The following PHACTR3 variants were observed in gnomAD, a reference collection of about 807,000 sequenced individuals.
PHACTR3 encodes the protein phosphatase and actin regulator 3, also known as protein phosphatase 1, regulatory subunit 123.
Under a neutral mutation model 66.8 loss-of-function variants are expected in PHACTR3, and 16 were observed. The ratio of observed to expected loss-of-function variants is 0.24; its 90% CI spans 0.16 to 0.36. The LOEUF is 0.36. Among genes scored for constraint, PHACTR3 ranks in the 10% least tolerant of loss-of-function variants. The pLI, the probability that PHACTR3 is intolerant of heterozygous loss-of-function variation, is 1.00. For synonymous variants in PHACTR3, 323 were observed against 292.1 expected (o/e 1.11, Z -1.08); for missense variants, 647 against 719.9 (o/e 0.90, Z 1.16).
intron 1 of PHACTR3, among the ~76,000 whole-genome samples, chr20:59,645,221 CT>C (rs11470114): frequency 0.29 from 34,988 of 120,454 alleles, 4,729 homozygotes; most frequent in African/African-American, 0.41. Context: ...GTTAGCAGAT[CT>C]TTTTTTTTTT....
At chr20:59,653,658 C>T (rs1025096507) in intron 1 of PHACTR3, among the ~76,000 whole-genome samples, 1 of 152,000 alleles carries the variant, frequency 6.6e-6, no homozygotes, top group Admixed American at 6.6e-5. Context: ...ATAGGACTAA[C>T]TTGGAGAAAG....
intron 3 of PHACTR3, among the ~76,000 whole-genome samples, chr20:59,752,758 G>A (rs1462530803): frequency 6.6e-6 from 1 of 152,200 alleles, no homozygotes; most frequent in Non-Finnish European, 1.5e-5. Flanking sequence ...TGACAGTCAT[G>A]GCAGCAAAAG....
intron 1 of PHACTR3, among the ~76,000 whole-genome samples, chr20:59,656,399 A>G (rs2035621205): frequency 6.7e-6 from 1 of 150,040 alleles, no homozygotes; most frequent in Admixed American, 6.7e-5. Flanking sequence ...TTTCACCATC[A>G]TCTCTCTATA....
At chr20:59,799,033 T>C (rs928576853) in intron 7 of PHACTR3, among the ~76,000 whole-genome samples, 31 of 152,198 alleles carry the variant, frequency 2.0e-4, no homozygotes, top group African/African-American at 6.8e-4. Context: ...TGATTTCTTA[T>C]TGGAGCCATG....
At chr20:59,730,883 T>C (rs2038737816) in intron 1 of PHACTR3, among the ~76,000 whole-genome samples, 1 of 152,104 alleles carries the variant, frequency 6.6e-6, no homozygotes, top group South Asian at 2.1e-4. Flanking sequence ...CCGCAAAGCC[T>C]CAGAGTTTTA....
At chr20:59,780,258 T>C (rs2040679901) in intron 7 of PHACTR3, among the ~76,000 whole-genome samples, 1 of 152,208 alleles carries the variant, frequency 6.6e-6, no homozygotes, top group Admixed American at 6.5e-5. Flanking sequence ...GTGTCTCACC[T>C]GGGCCCATGT....
upstream of PHACTR3, chr20:59,604,490 T>G: frequency 6.8e-6 from 3 of 439,548 alleles, no homozygotes; most frequent in Non-Finnish European, 9.0e-6. Context: ...TCGCGCGGCA[T>G]GATGGGAGAA....
chr20:59,667,255 A>G (rs2036022776), intron 1 of PHACTR3, among the ~76,000 whole-genome samples: 1 of 152,250 alleles, frequency 6.6e-6, no homozygotes, highest in African/African-American at 2.4e-5. Flanking sequence ...AAAAGTAAAA[A>G]ATCAACCAAC....
chr20:59,827,574 C>G (rs1375581759), intron 8 of PHACTR3, among the ~76,000 whole-genome samples: 1 of 152,108 alleles, frequency 6.6e-6, no homozygotes, highest in Non-Finnish European at 1.5e-5. Context: ...CAGGTGAGAC[C>G]ATGGAGGTGC....
intron 1 of PHACTR3, among the ~76,000 whole-genome samples, chr20:59,689,614 T>C (rs539487978): frequency 2.0e-5 from 3 of 152,198 alleles, no homozygotes; most frequent in Non-Finnish European, 4.4e-5. Flanking sequence ...TGAAACAATA[T>C]TGAACCCCCT....
chr20:59,833,853 G>A (rs1312287685), intron 8 of PHACTR3, among the ~76,000 whole-genome samples: 1 of 152,202 alleles, frequency 6.6e-6, no homozygotes, highest in Non-Finnish European at 1.5e-5. Flanking sequence ...GTAGAGAAGG[G>A]GCTGCTGGAA....
rs201726586 is a variant in PHACTR3, at chr20:59,635,232, CTTTCT to C, written c.118+30104_118+30108del. ...TCCTTCCTTCCTTCCTTCTTTCTTT[CTTTCT>C]TTTTTTTTTTTTTTGAGATAGAGTT... On this transcript the variant is annotated intron_variant, in intron 1 of 12. Coordinates refer to ENST00000371015, the MANE Select transcript of PHACTR3 (RefSeq NM_080672.5). Among the ~76,000 whole-genome samples the C allele has an allele frequency of 5.5e-3, 649 of 117,496 alleles. 18 individuals are homozygous for C. Among genetic ancestry groups the C allele is most frequent in the African/African-American group, 0.019 (601 of 31,326 alleles). The allele number at this position is 117,496 out of a possible 152,430, so 77.1% of individuals were successfully genotyped here.
chr20:59,841,282 T>C, intron 10 of PHACTR3, 113 bp from the exon 11 acceptor site: 1 of 1,094,722 alleles, frequency 9.1e-7, no homozygotes, highest in South Asian at 1.7e-5. Context: ...ATTTTCCAGT[T>C]TCAGGTTTTT....
intron 1 of PHACTR3, among the ~76,000 whole-genome samples, chr20:59,723,994 G>T (rs1226125779): frequency 6.6e-6 from 1 of 152,078 alleles, no homozygotes; most frequent in Non-Finnish European, 1.5e-5. Context: ...GTGTGTGAAG[G>T]CTCTGATTTC....
intron 7 of PHACTR3, among the ~76,000 whole-genome samples, chr20:59,794,764 G>T (rs1427663803): frequency 1.3e-5 from 2 of 152,026 alleles, no homozygotes; most frequent in Non-Finnish European, 2.9e-5. Flanking sequence ...AGTAAATCTT[G>T]GTAGGCTGTA....
intron 8 of PHACTR3, among the ~76,000 whole-genome samples, chr20:59,811,336 G>C (rs1370196339): frequency 3.3e-5 from 5 of 152,204 alleles, no homozygotes; most frequent in Non-Finnish European, 5.9e-5. Context: ...GGTGTCTCGG[G>C]CAAAGGACTT....
chr20:59,689,730 C>A (rs1352673084), intron 1 of PHACTR3, among the ~76,000 whole-genome samples: 2 of 152,174 alleles, frequency 1.3e-5, no homozygotes, highest in Non-Finnish European at 1.5e-5. Flanking sequence ...GGGCACCAAC[C>A]TCTACCTAGC....
intron 1 of PHACTR3, among the ~76,000 whole-genome samples, chr20:59,697,503 T>TCTC (rs1413033412): frequency 6.6e-6 from 1 of 152,106 alleles, no homozygotes; most frequent in African/African-American, 2.4e-5. Context: ...TGGCTGTAGA[T>TCTC]CTCCTCTACC....
Position 59,806,069 on chromosome 20 carries a change from G to A in PHACTR3, c.1203G>A (p.Glu401=). 1 of 1,614,182 alleles carries A rather than the reference G, an allele frequency of 6.2e-7. No homozygotes were observed. ...CACTGCCACGGAAATGCAAGAAGGA[G>A]CTCCTGGCCGTGAAGCTAAGGAACC... ...SGTLPRKCKK[E]LLAVKLRNRP... is the part of the protein sequence containing the mutation. The change falls in exon 8 of 13, where the codon GAG becomes GAA. Residue 401 remains glutamate, a synonymous_variant. Coordinates refer to ENST00000371015, the MANE Select transcript of PHACTR3 (RefSeq NM_080672.5).
Sources: allele counts gnomAD v4.1 joint callset (sites outside exome capture counted in the v4.1 genomes callset), GRCh38; gene constraint gnomAD v4.1.1; transcripts MANE v1.5; gene names NCBI Gene and HGNC (gene_info 2026-07-23, HGNC 2026-07-21).